B9D2: variants seen among roughly 807,000 people sequenced by gnomAD.
B9D2 encodes B9 domain-containing protein 2.
B9D2 carries 21 observed loss-of-function variants against 19.2 expected under a neutral mutation model. The ratio of observed to expected loss-of-function variants is 1.09; its 90% confidence interval spans 0.78 to 1.58. The LOEUF (loss-of-function observed/expected upper bound fraction) is 1.58. Ranked by LOEUF, B9D2 falls within the 40% of genes most tolerant of loss-of-function variation. The probability of loss-of-function intolerance (pLI) is 0.00; values close to 1 mark genes in which losing one functional copy is unlikely to be tolerated. For missense variants in B9D2, 221 were observed against 244.3 expected (o/e 0.90, Z 0.64); for synonymous variants, 91 against 100.6 (o/e 0.90, Z 0.57).
At chr19:41,359,243 C>A (rs2038365153) in intron 2 of B9D2, among the ~76,000 whole-genome samples, 1 of 151,902 alleles carries the variant, frequency 6.6e-6, no homozygotes, top group African/African-American at 2.4e-5. Context: ...CCAGCCCGGC[C>A]AACATGGCGA....
chr19:41,360,021 C>G lies in B9D2; in HGVS notation c.89-1999G>C, dbSNP rs562211941. Among the ~76,000 whole-genome samples, 4 of 152,324 alleles carry G rather than the reference C, an allele frequency of 2.6e-5. No homozygotes were observed. The East Asian group carries it at 7.7e-4, about 29-fold the overall frequency. ...AAGCTCTGCTCCTGGGTGTCCCCAT[C>G]CCTAGCTTTTGTTTTCATCCTTCAG... On this transcript the variant is annotated intron_variant, in intron 2 of 3. Transcript: ENST00000243578.
At chr19:41,360,723 G>A (rs1371013951) in intron 2 of B9D2, among the ~76,000 whole-genome samples, 1 of 152,098 alleles carries the variant, frequency 6.6e-6, no homozygotes, top group Non-Finnish European at 1.5e-5. Context: ...TAGCCAGGCT[G>A]GTCTCAAACT....
intron 2 of B9D2, among the ~76,000 whole-genome samples, chr19:41,358,376 G>A (rs2038350229): frequency 6.6e-6 from 1 of 152,046 alleles, no homozygotes. Context: ...CCAAGGTGGA[G>A]GAGCCCCATC....
At chr19:41,359,894 T>G (rs1363600323) in intron 2 of B9D2, among the ~76,000 whole-genome samples, 3 of 151,000 alleles carry the variant, frequency 2.0e-5, no homozygotes, top group African/African-American at 7.3e-5. Flanking sequence ...CCTGAGTTCA[T>G]CTCCCATCAC....
rs1599906172 is a variant in B9D2, at chr19:41,358,034, G to A, written c.89-12C>T. The A allele has an allele frequency of 6.2e-7, 1 of 1,614,052 alleles. No individual in the cohort carries two copies. The highest frequency in any genetic ancestry group is 1.1e-5 in the South Asian group (1 of 91,072). ...CTTCCATGCCGCCCCTGCAGTGAGAGCCGGGACATAGAGGGGTGGGAGGCA... is the reference window on the plus strand; with the variant it reads ...CTTCCATGCCGCCCCTGCAGTGAGAACCGGGACATAGAGGGGTGGGAGGCA... On this transcript the variant is annotated splice_polypyrimidine_tract_variant and intron_variant, in intron 2 of 3. Transcript: ENST00000243578.
chr19:41,355,048 G>T (rs753557545), intron 3 of B9D2, 35 bp from the exon 4 acceptor site: 21 of 1,523,250 alleles, frequency 1.4e-5, no homozygotes, highest in Non-Finnish European at 1.9e-5. Flanking sequence ...AAGGAGGGAT[G>T]GGTGGGGACC....
In B9D2 at chr19:41,354,763, G is replaced by A. The variant is rs1482969954; in HGVS notation, c.465C>T (p.Gly155=). ...DRYRLHTAAG[G]TVHLEIGLLL... Reference sequence around the variant, plus strand: ...GCAGGCCGATCTCCAGGTGCACGGTGCCACCAGCAGCTGTGTGCAGGCGAT... The same window carrying A: ...GCAGGCCGATCTCCAGGTGCACGGTACCACCAGCAGCTGTGTGCAGGCGAT... The change falls in exon 4 of 4, where the codon GGC becomes GGT. Residue 155 remains glycine (G), a synonymous_variant. Transcript: ENST00000243578. 6.2e-7 allele frequency: 1 copy of A among 1,613,964 alleles called. No individual in the cohort carries two copies. Among genetic ancestry groups the A allele is most frequent in the Admixed American group, 1.7e-5 (1 of 60,022 alleles).
intron 3 of B9D2, among the ~76,000 whole-genome samples, chr19:41,357,464 A>G (rs1252190763): frequency 1.3e-5 from 2 of 152,064 alleles, no homozygotes; most frequent in African/African-American, 4.8e-5. Context: ...TTTCTACTAG[A>G]AAGGCTTTCT....
intron 2 of B9D2, among the ~76,000 whole-genome samples, chr19:41,359,907 T>A (rs1254318064): frequency 6.7e-6 from 1 of 149,886 alleles, no homozygotes; most frequent in Admixed American, 6.7e-5. Flanking sequence ...CCCATCACTC[T>A]CCCCCTCCCT....
intron 2 of B9D2, among the ~76,000 whole-genome samples, chr19:41,360,633 G>C (rs2038390356): frequency 6.6e-6 from 1 of 152,068 alleles, no homozygotes; most frequent in Non-Finnish European, 1.5e-5. Context: ...AGCCTCTCGA[G>C]TAGCTGGGAT....
chr19:41,360,162 G>A (rs1156266214), intron 2 of B9D2, among the ~76,000 whole-genome samples: 4 of 151,870 alleles, frequency 2.6e-5, no homozygotes, highest in African/African-American at 7.2e-5. Context: ...CTGGAATCAC[G>A]GTGCTCCTTT....
chr19:41,359,059 C>T (rs1228239123), intron 2 of B9D2, among the ~76,000 whole-genome samples: 3 of 151,990 alleles, frequency 2.0e-5, no homozygotes, highest in African/African-American at 4.8e-5. Flanking sequence ...GCACGAGAAT[C>T]GCTGGAAAAG....
rs181324574 is a variant in B9D2, at chr19:41,356,063, G to A, written c.215-1050C>T. Among the ~76,000 whole-genome samples, 17 of 152,268 alleles carry A rather than the reference G, an allele frequency of 1.1e-4. No individual in the cohort carries two copies. In the East Asian group the frequency reaches 2.1e-3, roughly 19 times the overall value. ...CATGGCTAGAGCAGAATGAGGTGGG[G>A]AGACGGGAAGGAGGTGCCAGCCTGG... On this transcript the variant is annotated intron_variant, in intron 3 of 3. Coordinates refer to ENST00000243578, the MANE Select transcript of B9D2 (RefSeq NM_030578.4).
chr19:41,357,264 C>T (rs2038328119), intron 3 of B9D2, among the ~76,000 whole-genome samples: 1 of 152,146 alleles, frequency 6.6e-6, no homozygotes, highest in Admixed American at 6.5e-5. Flanking sequence ...GTGTGTCCCC[C>T]CATAGGACGG....
At chr19:41,358,071 G>A in intron 2 of B9D2, 49 bp from the exon 3 acceptor site, 2 of 1,612,356 alleles carry the variant, frequency 1.2e-6, no homozygotes, top group Non-Finnish European at 8.5e-7. Flanking sequence ...CCATCGGGAA[G>A]GGGATGCCGC....
At chr19:41,356,364 G>A (rs1180580872) in intron 3 of B9D2, among the ~76,000 whole-genome samples, 1 of 152,070 alleles carries the variant, frequency 6.6e-6, no homozygotes, top group Non-Finnish European at 1.5e-5. Context: ...CAAAAGTAGA[G>A]GCAGTTTAAG....
At chr19:41,362,510 CAA>C (rs1380041741) in intron 2 of B9D2, among the ~76,000 whole-genome samples, 3 of 152,084 alleles carry the variant, frequency 2.0e-5, no homozygotes, top group Non-Finnish European at 2.9e-5. Flanking sequence ...AAGACCCCAT[CAA>C]AGTCTTGTAT....
intron 1 of B9D2, 86 bp downstream of exon 1, chr19:41,363,872 C>G: frequency 2.0e-6 from 1 of 508,610 alleles, no homozygotes; most frequent in Admixed American, 3.3e-5. Flanking sequence ...GCTTCCCTCC[C>G]CCAGCAAGCT....
rs140901774 is a variant in B9D2 at position 41,357,928 on chromosome 19, G to C, written c.183C>G (p.Ile61Met). ...IGDMAYWSHP[I>M]DLHFATKGLQ... ...GACCTTTGGTGGCGAAGTGCAGGTC[G>C]ATGGGGTGGGACCAGTAAGCCATGT... The change falls in exon 3 of 4, where the codon ATC (isoleucine) becomes ATG (methionine). Residue 61 changes from isoleucine (I) to methionine (M), a missense_variant. By Grantham distance (10) the Ile-to-Met change is conservative. Coordinates refer to ENST00000243578, the MANE Select transcript of B9D2 (RefSeq NM_030578.4). The C allele has an allele frequency of 2.5e-6, 4 of 1,614,146 alleles. No individual in the cohort carries two copies. In the South Asian group the frequency reaches 3.3e-5, roughly 13 times the overall value.
Sources: allele counts gnomAD v4.1 joint callset (sites outside exome capture counted in the v4.1 genomes callset), GRCh38; gene constraint gnomAD v4.1.1; transcripts MANE v1.5; gene names NCBI Gene and HGNC (gene_info 2026-07-23, HGNC 2026-07-21).